TXNDC5: variants seen among roughly 807,000 people sequenced by gnomAD.
TXNDC5 encodes the protein thioredoxin domain-containing protein 5.
TXNDC5 carries 44 observed loss-of-function variants against 52.6 expected under a neutral mutation model. That is an observed-to-expected ratio of 0.84 (90% CI 0.66 to 1.08). The LOEUF is 1.08. Among genes scored for constraint, TXNDC5 ranks in the 50% least tolerant of loss-of-function variants. TXNDC5 has a pLI of 0.00. For missense variants in TXNDC5, 600 were observed against 565.5 expected, an observed-to-expected ratio of 1.06 and a Z score of -0.62; for synonymous variants, 241 against 234.4, an observed-to-expected ratio of 1.03 and a Z score of -0.26.
At chr6:7,901,709 T>G (rs1760573892) in intron 2 of TXNDC5, among the ~76,000 whole-genome samples, 1 of 152,156 alleles carries the variant, frequency 6.6e-6, no homozygotes, top group African/African-American at 2.4e-5. Flanking sequence ...AAACAAAGTA[T>G]TGCCCCAGAT....
At position 7,881,771 on chromosome 6, in the gene TXNDC5, A is replaced by C. The variant is rs1023211716; in HGVS notation, c.*1373T>G. 1.3e-5 allele frequency: 2 copies of C among 152,238 alleles called. No homozygotes were observed. The allele number at this position is 152,238 out of a possible 1,614,324, so 9.4% of individuals were successfully genotyped here. A position where few individuals can be genotyped will look rare whatever the true frequency, so the allele number is the denominator to read the frequency against. Reference sequence around the variant, plus strand: ...TGCTGTTATCTTCTGCCTCAGACAGACAGTATAAGTGGTCTTGTTTCTAAG... The same window carrying C: ...TGCTGTTATCTTCTGCCTCAGACAGCCAGTATAAGTGGTCTTGTTTCTAAG... On this transcript the variant is annotated 3_prime_UTR_variant, in exon 10 of 10. Transcript: ENST00000379757.
At chr6:7,885,620 A>T (rs1169841370) in intron 8 of TXNDC5, among the ~76,000 whole-genome samples, 12 of 152,232 alleles carry the variant, frequency 7.9e-5, no homozygotes, top group African/African-American at 2.7e-4. Context: ...AAAGCCATCT[A>T]TTTGGAAAAG....
At chr6:7,899,810 C>A in intron 2 of TXNDC5, 129 bp from the exon 3 acceptor site, 1 of 557,478 alleles carries the variant, frequency 1.8e-6, no homozygotes, top group South Asian at 2.7e-5. Flanking sequence ...CTGCTCCTCT[C>A]TGATAAAAAG....
intron 3 of TXNDC5, among the ~76,000 whole-genome samples, chr6:7,895,791 G>C (rs1327152681): frequency 6.6e-6 from 1 of 152,054 alleles, no homozygotes; most frequent in Non-Finnish European, 1.5e-5. Context: ...AGCAGTTCAA[G>C]ACCAGCCTAG....
At chr6:7,907,964 T>C (rs540405462) in intron 1 of TXNDC5, among the ~76,000 whole-genome samples, 2 of 152,246 alleles carry the variant, frequency 1.3e-5, no homozygotes, top group South Asian at 4.1e-4. Context: ...ATATCTCTGT[T>C]TAAGTATTTG....
intron 7 of TXNDC5, among the ~76,000 whole-genome samples, chr6:7,887,036 CAT>C (rs1760006516): frequency 6.6e-6 from 1 of 152,214 alleles, no homozygotes; most frequent in African/African-American, 2.4e-5. Flanking sequence ...CACCATGACA[CAT>C]ACACTCCTCT....
chr6:7,883,351 T>C (rs1759838420), intron 9 of TXNDC5, 85 bp from the exon 10 acceptor site: 3 of 1,586,288 alleles, frequency 1.9e-6, no homozygotes, highest in Non-Finnish European at 2.6e-6. Context: ...GATACACTCC[T>C]ACCGTTGTGG....
chr6:7,905,017 C>T (rs1209629665), intron 1 of TXNDC5, among the ~76,000 whole-genome samples: 1 of 152,206 alleles, frequency 6.6e-6, no homozygotes, highest in Non-Finnish European at 1.5e-5. Context: ...ACTTCTATCC[C>T]AGAGTCCACC....
intron 1 of TXNDC5, among the ~76,000 whole-genome samples, chr6:7,905,987 C>G (rs1352507374): frequency 1.3e-5 from 2 of 152,202 alleles, no homozygotes; most frequent in African/African-American, 4.8e-5. Context: ...TGCCTGTAAT[C>G]CCAGCACTTT....
At chr6:7,893,569 T>C (rs958352842) in intron 4 of TXNDC5, among the ~76,000 whole-genome samples, 61 of 152,186 alleles carry the variant, frequency 4.0e-4, no homozygotes, top group Non-Finnish European at 1.3e-4. Flanking sequence ...CCGGAGTCGG[T>C]CCGTAACAGG....
chr6:7,907,555 A>T (rs1760777541), intron 1 of TXNDC5, among the ~76,000 whole-genome samples: 3 of 152,224 alleles, frequency 2.0e-5, no homozygotes, highest in Admixed American at 2.0e-4. Context: ...ACACAGATTG[A>T]TGTTTTTGTT....
intron 2 of TXNDC5, among the ~76,000 whole-genome samples, chr6:7,904,317 T>C (rs189809362): frequency 6.6e-6 from 1 of 152,246 alleles, no homozygotes; most frequent in Non-Finnish European, 1.5e-5. Context: ...GGTGAACATC[T>C]AGCATGGCGG....
chr6:7,894,026 T>G (rs986233407), intron 4 of TXNDC5, among the ~76,000 whole-genome samples: 1 of 152,056 alleles, frequency 6.6e-6, no homozygotes, highest in African/African-American at 2.4e-5. Context: ...AGGAGACCAT[T>G]TGCAAAAAAT....
intron 8 of TXNDC5, among the ~76,000 whole-genome samples, chr6:7,884,836 A>C (rs1759905243): frequency 6.6e-6 from 1 of 152,254 alleles, no homozygotes; most frequent in African/African-American, 2.4e-5. Flanking sequence ...CAGATGCCAC[A>C]CAATTTCTAA....
In TXNDC5 at chr6:7,885,962, A is replaced by G. The variant is rs755490005; in HGVS notation, c.1045T>C (p.Trp349Arg). ...GITFIKFYAP[W>R]CGHCKTLAPT... ...GTTTCTAATTAAACAGCCACTTACC[A>G]TGGAGCATAAAACTTGATGAAGGTT... Residue 349 changes from tryptophan to arginine, a missense_variant and splice_region_variant, in exon 8 of 10, where the codon TGG becomes CGG. Transcript: ENST00000379757. The G allele has an allele frequency of 3.7e-6, 6 of 1,613,958 alleles. No individual in the cohort carries two copies. The highest frequency in any genetic ancestry group is 1.1e-5 in the South Asian group (1 of 91,062).
At chr6:7,906,746 C>T (rs1277430425) in intron 1 of TXNDC5, among the ~76,000 whole-genome samples, 8 of 149,270 alleles carry the variant, frequency 5.4e-5, no homozygotes, top group Non-Finnish European at 8.9e-5. Context: ...GTTTATGTGG[C>T]GGGGGAGAAG....
intron 7 of TXNDC5, 49 bp from the exon 8 acceptor site, chr6:7,886,092 G>T: frequency 6.5e-7 from 1 of 1,534,062 alleles, no homozygotes; most frequent in Non-Finnish European, 9.0e-7. Context: ...TTAAAGTTGA[G>T]CAGGGCCATG....
intron 2 of TXNDC5, 92 bp downstream of exon 2, chr6:7,904,479 TTAG>T: frequency 6.7e-7 from 1 of 1,499,200 alleles, no homozygotes; most frequent in Non-Finnish European, 9.0e-7. Flanking sequence ...CTGCTTAAAT[TTAG>T]TATCTCTTCA....
intron 1 of TXNDC5, among the ~76,000 whole-genome samples, chr6:7,907,155 T>G (rs372758946): frequency 2.7e-5 from 4 of 148,564 alleles, no homozygotes; most frequent in African/African-American, 7.7e-5. Context: ...TGCTACTGCT[T>G]TTTTTTTCCC....
Sources: allele counts gnomAD v4.1 joint callset (sites outside exome capture counted in the v4.1 genomes callset), GRCh38; gene constraint gnomAD v4.1.1; transcripts MANE v1.5; gene names NCBI Gene and HGNC (gene_info 2026-07-23, HGNC 2026-07-21).